The following CCDC27 variants were observed in gnomAD, a reference collection of about 807,000 sequenced individuals.
The protein encoded by CCDC27 is coiled-coil domain containing 27.
In CCDC27, 80 loss-of-function variants were observed where a neutral mutation model predicts 80.3. The ratio of observed to expected loss-of-function variants is 1.00; its 90% CI spans 0.83 to 1.20. The LOEUF (loss-of-function observed/expected upper bound fraction) is 1.20, where lower values mean the gene tolerates loss of function less well. Among genes scored for constraint, CCDC27 ranks in the 50% most tolerant of loss-of-function variants. CCDC27 has a pLI of 0.00. For synonymous variants in CCDC27, 342 were observed against 334.3 expected (o/e 1.02, Z -0.25); for missense variants, 815 against 809.4 (o/e 1.01, Z -0.08).
In CCDC27 at chr1:3,752,660, C is replaced by G. The variant is rs1642850140; in HGVS notation, c.179C>G (p.Ser60Cys). The change falls in exon 1 of 12, where the codon TCC becomes TGC. Residue 60 changes from serine to cysteine, a missense_variant. Coordinates refer to ENST00000294600, the MANE Select transcript of CCDC27 (RefSeq NM_152492.3). The stretch of plus-strand genomic sequence containing the variant: ...CCATCTCAGAGGCACAGTTCGATGT[C>G]CAGCTCGATGGCCAGGGCCCTGGTG... ...ASPSQRHSSM[S>C]SSMARALVLL... The G allele has an allele frequency of 6.2e-7, 1 of 1,613,972 alleles. No homozygotes were observed. The highest frequency in any genetic ancestry group is 1.3e-5 in the African/African-American group (1 of 74,942).
chr1:3,762,110 A>G lies in CCDC27; in HGVS notation c.862-510A>G, dbSNP rs182711659. 4.8e-4 allele frequency among the ~76,000 whole-genome samples: 73 copies of G among 152,176 alleles called. No homozygotes were observed. In the Middle Eastern group the frequency reaches 0.017, roughly 35 times the overall value. On this transcript the variant is annotated intron_variant, in intron 5 of 11. Transcript: ENST00000294600. ...CTGATCTTCCTAAGATTTCTTTCAC[A>G]CCTGAGGAGACAGCCTGAGTTTATG...
rs576243433 is a variant in CCDC27 at position 3,763,443 on chromosome 1, G to A, written c.1290G>A (p.Glu430=). Residue 430 remains glutamate, a synonymous_variant, in exon 7 of 12, where the codon GAG becomes GAA. Transcript: ENST00000294600. This position sits in a 1 kb window ranked among gnomAD's most constrained non-coding sequence, Gnocchi z 7.5. ...TCCTGGACTTCCAGTTCAACCTGGAGGCCACCAGGACCAGATACTCCCTTG... is the reference window on the plus strand; with the variant it reads ...TCCTGGACTTCCAGTTCAACCTGGAAGCCACCAGGACCAGATACTCCCTTG... ...QVILDFQFNL[E]ATRTRYSLAT... 17 of 1,609,770 alleles carry A rather than the reference G, an allele frequency of 1.1e-5. No individual in the cohort carries two copies. The highest frequency in any genetic ancestry group is 1.4e-5 in the Non-Finnish European group (17 of 1,178,588).
intron 11 of CCDC27, 105 bp from the exon 12 acceptor site, chr1:3,771,296 G>A: frequency 2.1e-6 from 3 of 1,411,026 alleles, no homozygotes; most frequent in South Asian, 1.2e-5. Flanking sequence ...TGGAGGAGGA[G>A]GAGAGGGTGG....
At chr1:3,755,411 G>C in intron 2 of CCDC27, 46 bp from the exon 3 acceptor site, 1 of 1,508,184 alleles carries the variant, frequency 6.6e-7, no homozygotes, top group Non-Finnish European at 9.2e-7. Flanking sequence ...ATCTTGGGGA[G>C]ACAAGACCGC....
rs188236993 is a variant in CCDC27 at position 3,763,165 on chromosome 1, G to C, written c.1012G>C (p.Glu338Gln). ...CAAGGAGCCCGACCTGGGAGGTGGC[G>C]AGGAGGACGAGGGCCTGGAAGGGGA... ...RGKEPDLGGGEEDEGLEGEPD... is the reference protein window; with the variant it reads ...RGKEPDLGGGQEDEGLEGEPD... Residue 338 changes from glutamate (E) to glutamine (Q), a missense_variant, in exon 7 of 12, where the codon GAG (glutamate) becomes CAG (glutamine). Coordinates refer to ENST00000294600, the MANE Select transcript of CCDC27 (RefSeq NM_152492.3). The surrounding 1 kb of genome is among the most constrained non-coding windows in gnomAD (Gnocchi z 7.5). The C allele has an allele frequency of 1.3e-6, 2 of 1,494,474 alleles. No individual in the cohort carries two copies. Among genetic ancestry groups the C allele is most frequent in the African/African-American group, 1.4e-5 (1 of 71,520 alleles). The allele number at this position is 1,494,474 out of a possible 1,614,324, so 92.6% of individuals were successfully genotyped here.
chr1:3,760,269 G>C lies in CCDC27; in HGVS notation c.712-1012G>C, dbSNP rs1269507542. On this transcript the variant is annotated intron_variant, in intron 4 of 11. Coordinates refer to ENST00000294600, the MANE Select transcript of CCDC27 (RefSeq NM_152492.3). This position sits in a 1 kb window ranked among gnomAD's most constrained non-coding sequence, Gnocchi z 4.3. The stretch of plus-strand genomic sequence containing the variant: ...GAATCCATACTACAAAGATTCCCAT[G>C]TACTTTTCCATTCCCCAAATGTTAA... Among the ~76,000 whole-genome samples, 1 of 151,972 alleles carries C rather than the reference G, an allele frequency of 6.6e-6. No individual in the cohort carries two copies. The highest frequency in any genetic ancestry group is 1.5e-5 in the Non-Finnish European group (1 of 68,006).
At chr1:3,753,734 G>A (rs979041778) in intron 1 of CCDC27, among the ~76,000 whole-genome samples, 5 of 152,210 alleles carry the variant, frequency 3.3e-5, no homozygotes, top group East Asian at 3.8e-4. Context: ...CTGCACACAC[G>A]CAGGCCCTTT....
rs1333217770 is a variant in CCDC27, at chr1:3,769,788, G to C, written c.1749G>C (p.Glu583Asp). ...TGTTGTCCCTTTGCTCACAGCTCGA[G>C]AGGTTAAGGAATAAGATCATCCAGG... ...VALESSQSRL[E>D]RLRNKIIQAT... The change falls in exon 11 of 12, where the codon GAG becomes GAC. Residue 583 changes from glutamate to aspartate, a missense_variant. Transcript: ENST00000294600. The surrounding 1 kb of genome is among the most constrained non-coding windows in gnomAD (Gnocchi z 4.6). 1.2e-6 allele frequency: 2 copies of C among 1,613,524 alleles called. No homozygotes were observed. Among genetic ancestry groups the C allele is most frequent in the South Asian group, 1.1e-5 (1 of 91,074 alleles).
At position 3,754,383 on chromosome 1, in the gene CCDC27, G is replaced by A. The variant is rs192930608; in HGVS notation, c.442+142G>A. On this transcript the variant is annotated intron_variant, in intron 2 of 11. Transcript: ENST00000294600. ...GCCCCAGCTGCTGCTTTTGAAATCC[G>A]CTCTGTGCTCAGGGAGCCAGGGCAG... is the stretch of plus-strand genomic sequence containing the variant. 1.5e-4 allele frequency: 165 copies of A among 1,130,440 alleles called. No homozygotes were observed. In the East Asian group the frequency reaches 4.4e-3, roughly 30 times the overall value. 70.0% of individuals were successfully genotyped at this position (1,130,440 alleles called of 1,614,324 possible).
chr1:3,771,224 T>TC lies in CCDC27; in HGVS notation c.1849-176dup, dbSNP rs575312581. ...ACAAAGCCGAGGGTTGTTTGTTTTT[T>TC]CTCCCCCTGGAGAGCCGGTTGTAAG... On this transcript the variant is annotated intron_variant, in intron 11 of 11. Coordinates refer to ENST00000294600, the MANE Select transcript of CCDC27 (RefSeq NM_152492.3). Among the ~76,000 whole-genome samples the TC allele has an allele frequency of 2.1e-3, 322 of 152,214 alleles. 1 individual carries two copies. The highest frequency in any genetic ancestry group is 3.9e-3 in the Non-Finnish European group (262 of 67,996).
At position 3,769,299 on chromosome 1, in the gene CCDC27, C is replaced by T. The variant is rs943928628; in HGVS notation, c.1744-484C>T. ...GGGGGCCAGGTTCAACGCTGCTGTC[C>T]ATGGCACAGACACCTCCTAGTCAGC... On this transcript the variant is annotated intron_variant, in intron 10 of 11. Coordinates refer to ENST00000294600, the MANE Select transcript of CCDC27 (RefSeq NM_152492.3). This position sits in a 1 kb window ranked among gnomAD's most constrained non-coding sequence, Gnocchi z 4.6. Among the ~76,000 whole-genome samples, 1 of 152,080 alleles carries T rather than the reference C, an allele frequency of 6.6e-6. No homozygotes were observed. Among genetic ancestry groups the T allele is most frequent in the African/African-American group, 2.4e-5 (1 of 41,390 alleles).
intron 4 of CCDC27, among the ~76,000 whole-genome samples, chr1:3,757,988 C>G (rs1643000698): frequency 6.6e-6 from 1 of 151,750 alleles, no homozygotes; most frequent in Admixed American, 6.6e-5. Context: ...CTCCTGGGCT[C>G]AAGTGATCCA....
chr1:3,752,749 C>T lies in CCDC27; in HGVS notation c.268C>T (p.Arg90Cys), dbSNP rs764294035. Residue 90 changes from arginine to cysteine, a missense_variant, in exon 1 of 12, where the codon CGC becomes TGC. Coordinates refer to ENST00000294600, the MANE Select transcript of CCDC27 (RefSeq NM_152492.3). Reference protein sequence around the residue: ...CPEWKPHQKPRTLSKSVQTIS... With the variant: ...CPEWKPHQKPCTLSKSVQTIS... Reference sequence around the variant, plus strand: ...AGAATGGAAACCGCACCAAAAGCCACGCACGCTCAGCAAGTCGGTCCAGAC... The same window carrying T: ...AGAATGGAAACCGCACCAAAAGCCATGCACGCTCAGCAAGTCGGTCCAGAC... 92 of 1,613,586 alleles carry T rather than the reference C, an allele frequency of 5.7e-5. No homozygotes were observed. The highest frequency in any genetic ancestry group is 8.3e-5 in the Admixed American group (5 of 60,004).
chr1:3,768,207 C>A lies in CCDC27; in HGVS notation c.1743+762C>A, dbSNP rs1000228293. 6.6e-6 allele frequency among the ~76,000 whole-genome samples: 1 copy of A among 150,758 alleles called. No homozygotes were observed. Among genetic ancestry groups the A allele is most frequent in the Non-Finnish European group, 1.5e-5 (1 of 67,832 alleles). ...CCTCCCAGGCTCAAGCTGTCGTCAT[C>A]CCACCTCAGCCTCCTGAGTAGCTGG... On this transcript the variant is annotated intron_variant, in intron 10 of 11. Coordinates refer to ENST00000294600, the MANE Select transcript of CCDC27 (RefSeq NM_152492.3). The surrounding 1 kb of genome is among the most constrained non-coding windows in gnomAD (Gnocchi z 5.6).
rs1045216143 is a variant in CCDC27 at position 3,760,336 on chromosome 1, C to G, written c.712-945C>G. ...TTTATCCTTCTCTCCTCTCTCTCCC[C>G]CTTGCTCCTCTCTCCCTCTCTCCCT... On this transcript the variant is annotated intron_variant, in intron 4 of 11. Coordinates refer to ENST00000294600, the MANE Select transcript of CCDC27 (RefSeq NM_152492.3). This position sits in a 1 kb window ranked among gnomAD's most constrained non-coding sequence, Gnocchi z 4.3. Among the ~76,000 whole-genome samples, 2 of 152,040 alleles carry G rather than the reference C, an allele frequency of 1.3e-5. No homozygotes were observed. The highest frequency in any genetic ancestry group is 2.4e-5 in the African/African-American group (1 of 41,388).
Position 3,760,026 on chromosome 1 carries a change from T to C in CCDC27, c.712-1255T>C, listed in dbSNP as rs2124592738. On this transcript the variant is annotated intron_variant, in intron 4 of 11. Transcript: ENST00000294600. This position sits in a 1 kb window ranked among gnomAD's most constrained non-coding sequence, Gnocchi z 4.3. ...TTCGTCTGGGCTGTCATAGATAAAC[T>C]CTTCTCATTTGGTGGCAAGAGAGCC... Among the ~76,000 whole-genome samples the C allele has an allele frequency of 6.6e-6, 1 of 152,260 alleles. No individual in the cohort carries two copies. Among genetic ancestry groups the C allele is most frequent in the Admixed American group, 6.5e-5 (1 of 15,298 alleles).
At chr1:3,767,786 C>T (rs1643269127) in intron 10 of CCDC27, among the ~76,000 whole-genome samples, 1 of 152,236 alleles carries the variant, frequency 6.6e-6, no homozygotes, top group Admixed American at 6.5e-5. Context: ...GTGTTGCCCC[C>T]CTCATCTCTG....
In CCDC27 at chr1:3,755,502, C is replaced by T. The variant is rs199649998; in HGVS notation, c.488C>T (p.Ser163Leu). The T allele has an allele frequency of 1.1e-4, 182 of 1,614,166 alleles. No homozygotes were observed. The highest frequency in any genetic ancestry group is 2.9e-4 in the African/African-American group (22 of 75,066). ...TTGTCCGGAGAGATTGACAACAGCT[C>T]GGAGACCTGGAGAGGCACCCAGGAC... The part of the protein sequence containing the change: ...ADLSGEIDNS[S>L]ETWRGTQDLF... The change falls in exon 3 of 12, where the codon TCG (serine) becomes TTG (leucine). Residue 163 changes from serine (S) to leucine (L), a missense_variant. By Grantham distance (145) the Ser-to-Leu change is moderately radical (BLOSUM62 -2). Coordinates refer to ENST00000294600, the MANE Select transcript of CCDC27 (RefSeq NM_152492.3).
chr1:3,756,623 T>G, intron 3 of CCDC27, 110 bp from the exon 4 acceptor site: 17 of 1,119,182 alleles, frequency 1.5e-5, no homozygotes, highest in Non-Finnish European at 2.1e-5. Context: ...TCTGGGCAGA[T>G]AGGGGTTTCC....
Sources: allele counts gnomAD v4.1 joint callset (sites outside exome capture counted in the v4.1 genomes callset), GRCh38; gene constraint gnomAD v4.1.1; non-coding constraint Gnocchi (gnomAD v3.1); transcripts MANE v1.5; gene names NCBI Gene and HGNC (gene_info 2026-07-23, HGNC 2026-07-21).